The following SGCZ variants were observed in gnomAD, a reference collection of about 807,000 sequenced individuals.
SGCZ encodes the protein sarcoglycan zeta, also known as zeta-sarcoglycan.
In SGCZ, 40 loss-of-function variants were observed where a neutral mutation model predicts 41.3. The ratio of observed to expected loss-of-function variants is 0.97; its 90% confidence interval spans 0.75 to 1.26. SGCZ has a LOEUF of 1.26. Among genes scored for constraint, SGCZ ranks in the 50% most tolerant of loss-of-function variants. The probability of loss-of-function intolerance (pLI) is 0.00; values close to 1 mark genes in which losing one functional copy is unlikely to be tolerated. For synonymous variants in SGCZ, 206 were observed against 137.5 expected (o/e 1.50, Z -3.49); for missense variants, 552 against 369.8 (o/e 1.49, Z -4.04).
At chr8:15,151,808 C>T (rs1454004107) in intron 1 of SGCZ, among the ~76,000 whole-genome samples, 1 of 152,188 alleles carries the variant, frequency 6.6e-6, no homozygotes, top group African/African-American at 2.4e-5. Flanking sequence ...AATTTTCCAA[C>T]AGTAACCCTG....
At chr8:14,657,223 T>C (rs1359690005) in intron 1 of SGCZ, among the ~76,000 whole-genome samples, 3 of 152,044 alleles carry the variant, frequency 2.0e-5, no homozygotes, top group East Asian at 3.9e-4. Flanking sequence ...TTTTTCCCTG[T>C]AACCCCAGAA....
At position 14,618,988 on chromosome 8, in the gene SGCZ, G is replaced by C. The variant is rs188579453; in HGVS notation, c.40-64062C>G. Among the ~76,000 whole-genome samples, 109 of 152,248 alleles carry C rather than the reference G, an allele frequency of 7.2e-4. 1 individual carries two copies. Among genetic ancestry groups the C allele is most frequent in the East Asian group, 7.1e-3 (37 of 5,182 alleles). ...CGAAGAAATCTAGTTTTCTCTTTTA[G>C]ATGTCCAAGTGAACACATGAACCTG... On this transcript the variant is annotated intron_variant, in intron 1 of 7. Coordinates refer to ENST00000382080, the MANE Select transcript of SGCZ (RefSeq NM_139167.4).
At chr8:15,115,595 T>C (rs370443681) in intron 1 of SGCZ, among the ~76,000 whole-genome samples, 1 of 152,360 alleles carries the variant, frequency 6.6e-6, no homozygotes, top group East Asian at 1.9e-4. Flanking sequence ...ATATGGGCTG[T>C]ATCATCGGGG....
chr8:14,320,099 G>A (rs1241215718), intron 3 of SGCZ, among the ~76,000 whole-genome samples: 1 of 151,680 alleles, frequency 6.6e-6, no homozygotes, highest in Non-Finnish European at 1.5e-5. Context: ...TTCATGAAAT[G>A]TTAACAGTAT....
intron 1 of SGCZ, among the ~76,000 whole-genome samples, chr8:15,168,722 T>G (rs143785847): frequency 2.5e-4 from 38 of 152,342 alleles, no homozygotes; most frequent in African/African-American, 8.9e-4. Context: ...GGGACTCCTT[T>G]GAAAAGTGCT....
At chr8:14,376,593 A>C (rs1804140017) in intron 2 of SGCZ, among the ~76,000 whole-genome samples, 1 of 152,154 alleles carries the variant, frequency 6.6e-6, no homozygotes, top group Admixed American at 6.5e-5. Flanking sequence ...CCCAACCTTC[A>C]AAAAAGATAC....
intron 2 of SGCZ, among the ~76,000 whole-genome samples, chr8:14,392,113 A>T (rs548019632): frequency 2.6e-5 from 4 of 152,288 alleles, no homozygotes; most frequent in African/African-American, 9.6e-5. Flanking sequence ...TCTTTATTTA[A>T]TCTCTTAAAT....
chr8:14,657,649 T>C (rs889251298), intron 1 of SGCZ, among the ~76,000 whole-genome samples: 3 of 152,158 alleles, frequency 2.0e-5, no homozygotes, highest in Admixed American at 1.3e-4. Context: ...AATCAGATAG[T>C]GAAAACAAAA....
intron 1 of SGCZ, among the ~76,000 whole-genome samples, chr8:15,065,887 G>C (rs146127729): frequency 6.6e-6 from 1 of 152,122 alleles, no homozygotes. Flanking sequence ...TTGAATGATT[G>C]AAATTTTGTT....
At chr8:14,677,507 C>T (rs564461061) in intron 1 of SGCZ, among the ~76,000 whole-genome samples, 20 of 152,216 alleles carry the variant, frequency 1.3e-4, no homozygotes, top group African/African-American at 4.6e-4. Flanking sequence ...CGGGGTGGCT[C>T]ACACCTGTAA....
At chr8:14,104,372 T>G (rs1009854931) in intron 6 of SGCZ, among the ~76,000 whole-genome samples, 3 of 152,056 alleles carry the variant, frequency 2.0e-5, no homozygotes, top group Admixed American at 6.6e-5. Flanking sequence ...TTTATGGTGT[T>G]TATGTATCAA....
At chr8:14,766,518 CAAT>C (rs1563255033) in intron 1 of SGCZ, among the ~76,000 whole-genome samples, 4 of 151,856 alleles carry the variant, frequency 2.6e-5, no homozygotes, top group Admixed American at 2.0e-4. Context: ...ATCAAAAAGA[CAAT>C]AATACTTAAT....
At chr8:14,360,110 A>G (rs114457834) in intron 2 of SGCZ, among the ~76,000 whole-genome samples, 1 of 152,300 alleles carries the variant, frequency 6.6e-6, no homozygotes, top group Non-Finnish European at 1.5e-5. Flanking sequence ...AGAAACATGC[A>G]TCAACATAAT....
At chr8:15,022,007 C>G (rs1406893359) in intron 1 of SGCZ, among the ~76,000 whole-genome samples, 1 of 152,174 alleles carries the variant, frequency 6.6e-6, no homozygotes, top group Non-Finnish European at 1.5e-5. Flanking sequence ...CATAAATTAC[C>G]TTTCACATTT....
At chr8:14,189,537 G>C (rs1048023125) in intron 4 of SGCZ, among the ~76,000 whole-genome samples, 1 of 152,116 alleles carries the variant, frequency 6.6e-6, no homozygotes, top group Non-Finnish European at 1.5e-5. Flanking sequence ...CCTTCACCCT[G>C]ACATGTTCTC....
At chr8:14,848,249 A>G (rs920278391) in intron 1 of SGCZ, among the ~76,000 whole-genome samples, 2 of 152,216 alleles carry the variant, frequency 1.3e-5, no homozygotes, top group Admixed American at 6.5e-5. Flanking sequence ...GTTAATGGGT[A>G]GGAAATTTCA....
chr8:14,432,529 A>G (rs140151373), intron 2 of SGCZ, among the ~76,000 whole-genome samples: 177 of 152,262 alleles, frequency 1.2e-3, no homozygotes, highest in Non-Finnish European at 1.6e-3. Context: ...GACTCAGGGT[A>G]AAGGGTGAGA....
chr8:14,413,121 C>T (rs1002625267), intron 2 of SGCZ, among the ~76,000 whole-genome samples: 13 of 151,870 alleles, frequency 8.6e-5, no homozygotes, highest in African/African-American at 3.1e-4. Flanking sequence ...TAAGTTTAAA[C>T]TTCTTATCAA....
intron 1 of SGCZ, among the ~76,000 whole-genome samples, chr8:14,953,749 G>C (rs77995518): frequency 0.039 from 5,865 of 152,224 alleles, 356 homozygotes; most frequent in African/African-American, 0.13. Context: ...GTGTTTAAGA[G>C]ACTAAATGAA....
Sources: gnomAD v4.1 joint callset for allele counts (sites outside exome capture counted in the v4.1 genomes callset) on GRCh38, gnomAD v4.1.1 for gene constraint, MANE v1.5 for transcripts, NCBI Gene and HGNC (gene_info 2026-07-23, HGNC 2026-07-21) for gene names.